Variants in FHIT observed in about 807,000 individuals in gnomAD.
FHIT encodes the protein fragile histidine triad diadenosine triphosphatase.
Under a neutral mutation model 17.9 loss-of-function variants are expected in FHIT, and 19 were observed. That is an observed-to-expected ratio of 1.06 (90% CI 0.74 to 1.56). FHIT has a LOEUF of 1.56. Among genes scored for constraint, FHIT ranks in the 40% most tolerant of loss-of-function variants. The pLI is 0.00. For missense variants in FHIT, 248 were observed against 189.2 expected (o/e 1.31, Z -1.82); for synonymous variants, 81 against 69.7 (o/e 1.16, Z -0.81).
chr3:60,729,778 C>T (rs1339727234), intron 4 of FHIT, among the ~76,000 whole-genome samples: 1 of 148,616 alleles, frequency 6.7e-6, no homozygotes, highest in African/African-American at 2.5e-5. Flanking sequence ...TATATATATT[C>T]CTATATTTCA....
intron 5 of FHIT, among the ~76,000 whole-genome samples, chr3:60,506,480 T>C (rs1353528513): frequency 6.6e-6 from 1 of 152,204 alleles, no homozygotes; most frequent in Admixed American, 6.5e-5. Context: ...ACAAGTGTGT[T>C]TACTATCTAT....
chr3:60,244,312 G>A (rs1033389593), intron 5 of FHIT, among the ~76,000 whole-genome samples: 1 of 151,950 alleles, frequency 6.6e-6, no homozygotes, highest in Non-Finnish European at 1.5e-5. Flanking sequence ...GGGAGGGATG[G>A]AATTTCCATT....
intron 5 of FHIT, among the ~76,000 whole-genome samples, chr3:60,053,069 A>G (rs1015942030): frequency 6.6e-6 from 1 of 151,916 alleles, no homozygotes; most frequent in Non-Finnish European, 1.5e-5. Context: ...GAGAATGAGA[A>G]TAAGAATGCC....
intron 5 of FHIT, among the ~76,000 whole-genome samples, chr3:60,252,055 A>G (rs547850789): frequency 6.6e-6 from 1 of 152,302 alleles, no homozygotes; most frequent in African/African-American, 2.4e-5. Flanking sequence ...TGTGCCAAGT[A>G]TTTCCATATA....
chr3:59,934,460 T>C (rs17061493), intron 7 of FHIT, among the ~76,000 whole-genome samples: 25,425 of 152,114 alleles, frequency 0.17, 2,509 homozygotes, highest in East Asian at 0.51. Context: ...CAAATTGAGA[T>C]CAATCTTGTA....
intron 5 of FHIT, among the ~76,000 whole-genome samples, chr3:60,264,716 T>A (rs1335188870): frequency 6.6e-6 from 1 of 151,980 alleles, no homozygotes; most frequent in East Asian, 1.9e-4. Flanking sequence ...CTCCTTTCTT[T>A]TATTTCAGTG....
At chr3:60,805,971 A>T (rs151321403) in intron 4 of FHIT, among the ~76,000 whole-genome samples, 1 of 152,362 alleles carries the variant, frequency 6.6e-6, no homozygotes, top group East Asian at 1.9e-4. Flanking sequence ...AGGCCATCAC[A>T]ATGACATATA....
In FHIT at chr3:60,815,109, A is replaced by G. The variant is rs140199480; in HGVS notation, c.-18+6810T>C. Among the ~76,000 whole-genome samples the G allele has an allele frequency of 4.0e-3, 607 of 151,526 alleles. 3 individuals are homozygous for G. The highest frequency in any genetic ancestry group is 0.013 in the African/African-American group (535 of 41,394). On this transcript the variant is annotated intron_variant, in intron 4 of 9. Coordinates refer to ENST00000492590, the MANE Select transcript of FHIT (RefSeq NM_002012.4). ...AATGGGGTTGGTTTTTGCTTGTTCA[A>G]TCATTTAAGTTCCTTATAGACTCCA...
At chr3:60,620,066 ATATAT>A (rs1478449352) in intron 4 of FHIT, among the ~76,000 whole-genome samples, 1 of 152,314 alleles carries the variant, frequency 6.6e-6, no homozygotes, top group Non-Finnish European at 1.5e-5. Context: ...GAAGCTCAAC[ATATAT>A]TATTAGGATA....
At chr3:60,877,870 C>A (rs1704741284) in intron 3 of FHIT, among the ~76,000 whole-genome samples, 1 of 152,050 alleles carries the variant, frequency 6.6e-6, no homozygotes. Flanking sequence ...CCTCCAGGAC[C>A]CAAACAATAC....
intron 4 of FHIT, among the ~76,000 whole-genome samples, chr3:60,738,440 A>C (rs528875854): frequency 6.6e-6 from 1 of 152,312 alleles, no homozygotes; most frequent in Non-Finnish European, 1.5e-5. Flanking sequence ...CAGCCTAAAC[A>C]AGCCGTCTTA....
intron 3 of FHIT, among the ~76,000 whole-genome samples, chr3:60,839,129 A>C (rs141788573): frequency 6.6e-6 from 1 of 152,152 alleles, no homozygotes; most frequent in East Asian, 1.9e-4. Flanking sequence ...CTAAGGAGTA[A>C]ACTTTATCCT....
chr3:59,974,678 T>G (rs929346591), intron 7 of FHIT, among the ~76,000 whole-genome samples: 1 of 152,142 alleles, frequency 6.6e-6, no homozygotes, highest in African/African-American at 2.4e-5. Flanking sequence ...AAATGACTGC[T>G]GTGTGCACAG....
At chr3:59,872,522 G>A (rs1702968967) in intron 8 of FHIT, among the ~76,000 whole-genome samples, 1 of 152,130 alleles carries the variant, frequency 6.6e-6, no homozygotes. Context: ...CAGAGGGAAT[G>A]GCCTTTTCTG....
chr3:60,327,839 C>T (rs1709772802), intron 5 of FHIT, among the ~76,000 whole-genome samples: 1 of 152,018 alleles, frequency 6.6e-6, no homozygotes, highest in Non-Finnish European at 1.5e-5. Context: ...AATGAAGAGA[C>T]TCTAATAAAA....
chr3:61,136,301 T>C (rs955425707), intron 2 of FHIT, among the ~76,000 whole-genome samples: 1 of 151,714 alleles, frequency 6.6e-6, no homozygotes, highest in Non-Finnish European at 1.5e-5. Context: ...TAGAGGCTTG[T>C]ATCATTAAAA....
In FHIT at chr3:60,744,252, A is replaced by C. The variant is rs868930914; in HGVS notation, c.-18+77667T>G. Reference sequence around the variant, plus strand: ...TTGCAAATTGGAAGTAATGTAAAAAAAAAAACAAAACAAAACAAAAAAAAA... The same window carrying C: ...TTGCAAATTGGAAGTAATGTAAAAACAAAAACAAAACAAAACAAAAAAAAA... On this transcript the variant is annotated intron_variant, in intron 4 of 9. Transcript: ENST00000492590. Among the ~76,000 whole-genome samples, 62 of 67,702 alleles carry C rather than the reference A, an allele frequency of 9.2e-4. 1 individual carries two copies. Among genetic ancestry groups the C allele is most frequent in the Non-Finnish European group, 1.5e-3 (57 of 37,758 alleles). The allele number at this position is 67,702 out of a possible 152,430, so 44.4% of individuals were successfully genotyped here. A position where few individuals can be genotyped will look rare whatever the true frequency, so the allele number is the denominator to read the frequency against.
intron 4 of FHIT, among the ~76,000 whole-genome samples, chr3:60,624,073 G>A (rs953704675): frequency 8.5e-5 from 13 of 152,178 alleles, no homozygotes; most frequent in Non-Finnish European, 1.5e-5. Context: ...ATTCAAAAGG[G>A]CTGTTTAATC....
At chr3:60,097,238 C>G (rs1032466422) in intron 5 of FHIT, among the ~76,000 whole-genome samples, 1 of 151,976 alleles carries the variant, frequency 6.6e-6, no homozygotes, top group Non-Finnish European at 1.5e-5. Context: ...TCTGGGAAAT[C>G]TACCAGCCCC....
Sources: allele counts gnomAD v4.1 joint callset (sites outside exome capture counted in the v4.1 genomes callset), GRCh38; gene constraint gnomAD v4.1.1; transcripts MANE v1.5; gene names NCBI Gene and HGNC (gene_info 2026-07-23, HGNC 2026-07-21).